The following TBX18 variants were observed in gnomAD, a reference collection of about 807,000 sequenced individuals.
TBX18 encodes the protein T-box transcription factor TBX18.
TBX18 carries 21 observed loss-of-function variants against 55.0 expected under a neutral mutation model. The ratio of observed to expected loss-of-function variants is 0.38; its 90% CI spans 0.27 to 0.55. The LOEUF is 0.55. TBX18 is among the 20% of genes least tolerant of loss of function. The pLI is 0.73. For missense variants in TBX18, 840 were observed against 799.6 expected, an observed-to-expected ratio of 1.05 and a Z score of -0.61; for synonymous variants, 342 against 326.1, an observed-to-expected ratio of 1.05 and a Z score of -0.53.
chr6:84,742,825 C>G (rs1220118933), intron 6 of TBX18, among the ~76,000 whole-genome samples: 1 of 152,030 alleles, frequency 6.6e-6, no homozygotes, highest in Non-Finnish European at 1.5e-5. Flanking sequence ...TAACAAAAAT[C>G]ACAAAATAAT....
intron 5 of TBX18, among the ~76,000 whole-genome samples, chr6:84,747,609 A>C (rs1245582279): frequency 6.6e-6 from 1 of 152,036 alleles, no homozygotes; most frequent in Non-Finnish European, 1.5e-5. Context: ...CATTTTTAAT[A>C]TTCTACATGT....
At position 84,733,621 on chromosome 6, in the gene TBX18, A is replaced by T. The variant is rs971435862; in HGVS notation, c.*3064T>A. 1 of 152,234 alleles carries T rather than the reference A, an allele frequency of 6.6e-6. No individual in the cohort carries two copies. The highest frequency in any genetic ancestry group is 3.4e-3 in the Middle Eastern group (1 of 294). The allele number at this position is 152,234 out of a possible 1,614,324, so 9.4% of individuals were successfully genotyped here. A position where few individuals can be genotyped will look rare whatever the true frequency, so the allele number is the denominator to read the frequency against. ...GGGACACTGCAGAGTTTAGTTAGGG[A>T]TCTCTCTTCTTGCACCTTCTCCTTC... On this transcript the variant is annotated 3_prime_UTR_variant, in exon 8 of 8. Transcript: ENST00000369663.
At chr6:84,754,236 C>T (rs550814824) in intron 4 of TBX18, among the ~76,000 whole-genome samples, 6 of 152,186 alleles carry the variant, frequency 3.9e-5, no homozygotes, top group African/African-American at 9.6e-5. Flanking sequence ...GCCAAGCCAC[C>T]GTGCCCAGCT....
At chr6:84,750,800 G>A (rs1767327389) in intron 4 of TBX18, among the ~76,000 whole-genome samples, 1 of 152,136 alleles carries the variant, frequency 6.6e-6, no homozygotes, top group African/African-American at 2.4e-5. Context: ...TGTCTCATTA[G>A]TTAACATACT....
At chr6:84,753,477 CACCTCTCATTTGAGTCAATAGCTTT>C (rs1394492313) in intron 4 of TBX18, among the ~76,000 whole-genome samples, 7 of 150,826 alleles carry the variant, frequency 4.6e-5, no homozygotes, top group Middle Eastern at 3.5e-3. Context: ...GCTAGAAAAT[CACCTCTCATTTGAGTCAATAGCTTT>C]ACTAATTAGA....
chr6:84,756,621 A>C (rs1767494996), intron 4 of TBX18, 77 bp downstream of exon 4: 1 of 1,344,794 alleles, frequency 7.4e-7, no homozygotes, highest in Admixed American at 1.8e-5. Context: ...TCTTAGAAGC[A>C]TTCATTTCCT....
intron 6 of TBX18, among the ~76,000 whole-genome samples, chr6:84,739,249 G>T (rs1582065034): frequency 6.6e-6 from 1 of 151,854 alleles, no homozygotes; most frequent in East Asian, 1.9e-4. Context: ...GGGCTATCTA[G>T]TATATAGAGT....
rs1297659466 is a variant in TBX18 at position 84,735,256 on chromosome 6, T to C, written c.*1429A>G. On this transcript the variant is annotated 3_prime_UTR_variant, in exon 8 of 8. Coordinates refer to ENST00000369663, the MANE Select transcript of TBX18 (RefSeq NM_001080508.3). Reference sequence around the variant, plus strand: ...CCTCATCATGTATTCTTAGCCTTTTTTATTTATCTCATACTGTGCTCTCAA... The same window carrying C: ...CCTCATCATGTATTCTTAGCCTTTTCTATTTATCTCATACTGTGCTCTCAA... The C allele has an allele frequency of 5.3e-5, 8 of 152,240 alleles. No individual in the cohort carries two copies. The highest frequency in any genetic ancestry group is 5.2e-4 in the Admixed American group (8 of 15,284). The allele number at this position is 152,240 out of a possible 1,614,324, so 9.4% of individuals were successfully genotyped here. A position where few individuals can be genotyped will look rare whatever the true frequency, so the allele number is the denominator to read the frequency against.
At position 84,761,417 on chromosome 6, in the gene TBX18, A is replaced by G. The variant is rs548558181; in HGVS notation, c.498-1061T>C. Among the ~76,000 whole-genome samples, 5 of 152,354 alleles carry G rather than the reference A, an allele frequency of 3.3e-5. No homozygotes were observed. The East Asian group carries it at 9.6e-4, about 29-fold the overall frequency. Reference sequence around the variant, plus strand: ...TATTATTTCAGTGCACCTGTAAGATAAAGAGTAAAGGTCTTTAACTACATC... The same window carrying G: ...TATTATTTCAGTGCACCTGTAAGATGAAGAGTAAAGGTCTTTAACTACATC... On this transcript the variant is annotated intron_variant, in intron 2 of 7. Transcript: ENST00000369663.
chr6:84,762,631 T>G lies in TBX18; in HGVS notation c.410A>C (p.Gln137Pro). 1 of 1,612,432 alleles carries G rather than the reference T, an allele frequency of 6.2e-7. No homozygotes were observed. Among genetic ancestry groups the G allele is most frequent in the Non-Finnish European group, 8.5e-7 (1 of 1,179,366 alleles). Reference sequence around the variant, plus strand: ...TCCCTGCAGATCCACCCGCGGGGCCTGCGGCGAGGGCAGAGGGGTCCCGGG... The same window carrying G: ...TCCCTGCAGATCCACCCGCGGGGCCGGCGGCGAGGGCAGAGGGGTCCCGGG... Reference protein sequence around the residue: ...ARPGTPLPSPQAPRVDLQGAE... With the variant: ...ARPGTPLPSPPAPRVDLQGAE... The change falls in exon 2 of 8, where the codon CAG becomes CCG. Residue 137 changes from glutamine to proline, a missense_variant. Coordinates refer to ENST00000369663, the MANE Select transcript of TBX18 (RefSeq NM_001080508.3).
intron 5 of TBX18, among the ~76,000 whole-genome samples, chr6:84,746,018 A>G (rs1366547827): frequency 6.6e-6 from 1 of 152,152 alleles, no homozygotes; most frequent in Non-Finnish European, 1.5e-5. Context: ...TTAAGTTCTT[A>G]AAAATAGTAG....
In TBX18 at chr6:84,735,023, C is replaced by G. The variant is rs1410158791; in HGVS notation, c.*1662G>C. 6.6e-6 allele frequency: 1 copy of G among 152,162 alleles called. No individual in the cohort carries two copies. The highest frequency in any genetic ancestry group is 2.4e-5 in the African/African-American group (1 of 41,438). The allele number at this position is 152,162 out of a possible 1,614,324, so 9.4% of individuals were successfully genotyped here. A position where few individuals can be genotyped will look rare whatever the true frequency, so the allele number is the denominator to read the frequency against. On this transcript the variant is annotated 3_prime_UTR_variant, in exon 8 of 8. Coordinates refer to ENST00000369663, the MANE Select transcript of TBX18 (RefSeq NM_001080508.3). ...CCTGTGCAAATTCAACAGTATATCT[C>G]CCTAAGTATCTAACAAATTGTGTTG...
Position 84,732,905 on chromosome 6 carries a change from C to A in TBX18, c.*3780G>T, listed in dbSNP as rs1773842559. ...ATAAAACTAGTTTCCCAATATTAAG[C>A]TAAATATTTATATAATAGGACCATA... On this transcript the variant is annotated 3_prime_UTR_variant, in exon 8 of 8. Transcript: ENST00000369663. The A allele has an allele frequency of 6.6e-6, 1 of 151,552 alleles. No homozygotes were observed. The highest frequency in any genetic ancestry group is 2.4e-5 in the African/African-American group (1 of 41,228). 9.4% of individuals were successfully genotyped at this position (151,552 alleles called of 1,614,324 possible).
Position 84,734,373 on chromosome 6 carries a change from G to T in TBX18, c.*2312C>A, listed in dbSNP as rs1773883701. The T allele has an allele frequency of 6.6e-6, 1 of 152,158 alleles. No homozygotes were observed. The highest frequency in any genetic ancestry group is 1.5e-5 in the Non-Finnish European group (1 of 68,028). The allele number at this position is 152,158 out of a possible 1,614,324, so 9.4% of individuals were successfully genotyped here. A position where few individuals can be genotyped will look rare whatever the true frequency, so the allele number is the denominator to read the frequency against. ...GGTACAGAATTTGCGTTTGGGGTGT[G>T]CATGTGTGTGCTTATTCTTGGATCA... On this transcript the variant is annotated 3_prime_UTR_variant, in exon 8 of 8. Coordinates refer to ENST00000369663, the MANE Select transcript of TBX18 (RefSeq NM_001080508.3).
intron 3 of TBX18, among the ~76,000 whole-genome samples, chr6:84,758,806 A>G (rs1357695078): frequency 6.6e-6 from 1 of 152,362 alleles, no homozygotes; most frequent in Non-Finnish European, 1.5e-5. Context: ...TCTAAATACA[A>G]ATAGTACAAA....
chr6:84,737,114 G>A lies in TBX18; in HGVS notation c.1395C>T (p.Ser465=), dbSNP rs368979451. Residue 465 remains serine (S), a synonymous_variant, in exon 8 of 8, where the codon TCC becomes TCT. Coordinates refer to ENST00000369663, the MANE Select transcript of TBX18 (RefSeq NM_001080508.3). The part of the protein sequence containing the change: ...PSYVGVSSST[S]VNMSMGGTDG... The stretch of plus-strand genomic sequence containing the variant: ...CAGTGCCACCCATGGACATGTTCAC[G>A]GAGGTGCTGCTGCTCACGCCCACAT... 6.5e-5 allele frequency: 105 copies of A among 1,614,186 alleles called. No individual in the cohort carries two copies. The East Asian group carries it at 1.6e-3, about 25-fold the overall frequency.
In TBX18 at chr6:84,762,544, C is replaced by T. The variant is rs1386427492; in HGVS notation, c.497G>A (p.Arg166Lys). Residue 166 changes from arginine (R) to lysine (K), a missense_variant and splice_region_variant, in exon 2 of 8, where the codon AGG becomes AAG. Coordinates refer to ENST00000369663, the MANE Select transcript of TBX18 (RefSeq NM_001080508.3). ...GCGTCCACGCCAGCTTGCCCATTAC[C>T]TGCCGGCCTTGGTGATGATCATCTC... The part of the protein sequence containing the change: ...GTEMIITKAG[R>K]RMFPAMRVKI... The T allele has an allele frequency of 6.2e-7, 1 of 1,614,048 alleles. No homozygotes were observed. The highest frequency in any genetic ancestry group is 8.5e-7 in the Non-Finnish European group (1 of 1,180,026).
intron 6 of TBX18, chr6:84,741,810 T>C (rs1346947618): frequency 2.0e-5 from 3 of 152,182 alleles, no homozygotes; most frequent in Admixed American, 6.5e-5. Context: ...TTCATGCCCA[T>C]GCTCTCCAAA....
chr6:84,748,610 A>G (rs922470987), intron 4 of TBX18, among the ~76,000 whole-genome samples: 5 of 152,178 alleles, frequency 3.3e-5, no homozygotes, highest in African/African-American at 1.2e-4. Context: ...GTGGCTCACA[A>G]AGTCTCTGGT....
Sources: gnomAD v4.1 joint callset for allele counts (sites outside exome capture counted in the v4.1 genomes callset) on GRCh38, gnomAD v4.1.1 for gene constraint, MANE v1.5 for transcripts, NCBI Gene and HGNC (gene_info 2026-07-23, HGNC 2026-07-21) for gene names.